Variants in ZNF678 observed in about 807,000 individuals in gnomAD.
The protein encoded by ZNF678 is hypothetical protein MGC42493.
A neutral mutation model predicts 3.0 loss-of-function variants in ZNF678; 5 were observed. The observed-to-expected ratio is 1.69, with a 90% CI of 0.88 to 3.56. ZNF678 has a LOEUF of 3.56. ZNF678 is among the 30% of genes most tolerant of loss of function. The pLI is 0.00. For synonymous variants in ZNF678, 218 were observed against 199.6 expected, an observed-to-expected ratio of 1.09 and a Z score of -0.78; for missense variants, 593 against 605.0, an observed-to-expected ratio of 0.98 and a Z score of 0.21.
chr1:227,608,098 T>TAA (rs1264894285), intron 1 of ZNF678, among the ~76,000 whole-genome samples: 3 of 151,988 alleles, frequency 2.0e-5, no homozygotes, highest in African/African-American at 7.2e-5. Flanking sequence ...TCCAAAAGTA[T>TAA]AAATAATATT....
At chr1:227,610,305 C>CACATACTTT (rs1334504113) in intron 1 of ZNF678, among the ~76,000 whole-genome samples, 1 of 152,124 alleles carries the variant, frequency 6.6e-6, no homozygotes, top group Non-Finnish European at 1.5e-5. Context: ...ATAATATTTC[C>CACATACTTT]ACATACTTTC....
At chr1:227,674,649 C>G (rs1224201440) in intron 5 of ZNF678, among the ~76,000 whole-genome samples, 6 of 149,688 alleles carry the variant, frequency 4.0e-5, no homozygotes, top group Non-Finnish European at 1.5e-5. Context: ...GTTGCCCAGC[C>G]TGGAGTGCAA....
intron 1 of ZNF678, 105 bp downstream of exon 1, chr1:227,563,829 C>T (rs1656596528): frequency 8.9e-7 from 1 of 1,122,358 alleles, no homozygotes; most frequent in South Asian, 1.3e-5. Flanking sequence ...GGATCTGTCA[C>T]CTCTGGGTAG....
intron 1 of ZNF678, 137 bp downstream of exon 1, chr1:227,563,861 G>A (rs1203239384): frequency 2.5e-6 from 2 of 787,358 alleles, no homozygotes; most frequent in Non-Finnish European, 3.8e-6. Context: ...GGCCGCCGCG[G>A]GATTCTCCTC....
rs1466798995 is a variant in ZNF678, at chr1:227,661,749, C to G, written c.*5921C>G. ...AAGGGACAAACATTGAGCTTCTGAA[C>G]AGCTACTCCAGAAACTATGGTGCTG... On this transcript the variant is annotated 3_prime_UTR_variant, in exon 4 of 4. Coordinates refer to ENST00000343776, the MANE Select transcript of ZNF678 (RefSeq NM_001367909.1). 1 of 152,134 alleles carries G rather than the reference C, an allele frequency of 6.6e-6. No homozygotes were observed. The highest frequency in any genetic ancestry group is 2.4e-5 in the African/African-American group (1 of 41,422). The allele number at this position is 152,134 out of a possible 1,614,324, so 9.4% of individuals were successfully genotyped here. A position where few individuals can be genotyped will look rare whatever the true frequency, so the allele number is the denominator to read the frequency against.
At chr1:227,673,478 A>G (rs900400723) in intron 5 of ZNF678, among the ~76,000 whole-genome samples, 1 of 152,242 alleles carries the variant, frequency 6.6e-6, no homozygotes, top group African/African-American at 2.4e-5. Flanking sequence ...GTCCTCCATG[A>G]CTGATTTAGT....
chr1:227,644,255 C>T (rs1658900938), intron 1 of ZNF678, among the ~76,000 whole-genome samples: 1 of 152,152 alleles, frequency 6.6e-6, no homozygotes, highest in Non-Finnish European at 1.5e-5. Context: ...AATTATGAGA[C>T]ACTTCGCACC....
intron 1 of ZNF678, among the ~76,000 whole-genome samples, chr1:227,631,705 C>T (rs528295807): frequency 1.3e-4 from 20 of 152,186 alleles, no homozygotes; most frequent in South Asian, 4.1e-4. Flanking sequence ...CTTTTTCCTG[C>T]GAGAAGGAGA....
intron 1 of ZNF678, among the ~76,000 whole-genome samples, chr1:227,645,347 T>C (rs927386790): frequency 6.6e-6 from 1 of 152,170 alleles, no homozygotes; most frequent in Non-Finnish European, 1.5e-5. Context: ...AAGGGCTGGG[T>C]CAGCTGTTTC....
At chr1:227,671,759 A>G (rs1397406098) in intron 5 of ZNF678, among the ~76,000 whole-genome samples, 2 of 152,190 alleles carry the variant, frequency 1.3e-5, no homozygotes, top group African/African-American at 4.8e-5. Flanking sequence ...TACATTTCTT[A>G]CAAACTGGCC....
intron 5 of ZNF678, among the ~76,000 whole-genome samples, chr1:227,672,535 A>C (rs1659618721): frequency 6.6e-6 from 1 of 152,134 alleles, no homozygotes; most frequent in South Asian, 2.1e-4. Flanking sequence ...TCCTACTCAC[A>C]TCATCATCTC....
At chr1:227,593,671 G>A (rs1315558487) in intron 1 of ZNF678, among the ~76,000 whole-genome samples, 1 of 152,070 alleles carries the variant, frequency 6.6e-6, no homozygotes, top group African/African-American at 2.4e-5. Flanking sequence ...AATAGTTTGA[G>A]GTGAAATTAA....
chr1:227,605,402 G>T (rs1174201001), intron 1 of ZNF678, among the ~76,000 whole-genome samples: 1 of 152,102 alleles, frequency 6.6e-6, no homozygotes, highest in Non-Finnish European at 1.5e-5. Flanking sequence ...ATTTTACTCA[G>T]ACAATGTAGA....
chr1:227,563,855 G>T (rs769710163), intron 1 of ZNF678, 131 bp downstream of exon 1: 29 of 837,198 alleles, frequency 3.5e-5, no homozygotes, highest in East Asian at 6.3e-5. Context: ...GGGCCAGGCC[G>T]CCGCGGGATT....
rs1454560655 is a variant in ZNF678 at position 227,675,714 on chromosome 1, T to A, written c.227-1465T>A. On this transcript the variant is annotated intron_variant, in intron 5 of 5. Coordinates refer to the ZNF678 transcript ENST00000608949. ...GCAACATGGTACACACTCCATATCC[T>A]GGGGGGGTGGGGAAAGGCCCCATAA... Among the ~76,000 whole-genome samples the A allele has an allele frequency of 3.3e-5, 5 of 152,050 alleles. No individual in the cohort carries two copies. The East Asian group carries it at 5.8e-4, about 18-fold the overall frequency.
chr1:227,577,632 T>C (rs2102723331), intron 1 of ZNF678, among the ~76,000 whole-genome samples: 1 of 152,294 alleles, frequency 6.6e-6, no homozygotes, highest in Non-Finnish European at 1.5e-5. Flanking sequence ...AATGTATCAT[T>C]GTGTGTGAGA....
Position 227,660,183 on chromosome 1 carries a change from TG to T in ZNF678, c.*4356del, listed in dbSNP as rs1490520323. ...TGGACTGTTTCAGTTACTGTAGCTT[TG>T]CAGTATATTTGACTGTCAAGTAGTG... On this transcript the variant is annotated 3_prime_UTR_variant, in exon 4 of 4. Transcript: ENST00000343776. 2.6e-5 allele frequency: 4 copies of T among 152,150 alleles called. No homozygotes were observed. Among genetic ancestry groups the T allele is most frequent in the African/African-American group, 4.8e-5 (2 of 41,442 alleles). The allele number at this position is 152,150 out of a possible 1,614,324, so 9.4% of individuals were successfully genotyped here. A position where few individuals can be genotyped will look rare whatever the true frequency, so the allele number is the denominator to read the frequency against.
chr1:227,579,755 G>A (rs538132546), intron 1 of ZNF678, among the ~76,000 whole-genome samples: 6 of 152,292 alleles, frequency 3.9e-5, no homozygotes, highest in Admixed American at 3.3e-4. Context: ...CCCAGGACAG[G>A]CCAGCAGACC....
chr1:227,581,709 C>A (rs776856150), intron 1 of ZNF678, among the ~76,000 whole-genome samples: 2 of 152,110 alleles, frequency 1.3e-5, no homozygotes, highest in Non-Finnish European at 2.9e-5. Flanking sequence ...TATGAATACT[C>A]TTGCTTTGAA....
Sources: allele counts gnomAD v4.1 joint callset (sites outside exome capture counted in the v4.1 genomes callset), GRCh38; gene constraint gnomAD v4.1.1; transcripts MANE v1.5; gene names NCBI Gene and HGNC (gene_info 2026-07-23, HGNC 2026-07-21).